CPLANE1: variants seen among roughly 807,000 people sequenced by gnomAD.
The protein encoded by CPLANE1 is ciliogenesis and planar polarity effector 1.
CPLANE1 carries 263 observed loss-of-function variants against 362.5 expected under a neutral mutation model. The observed-to-expected ratio is 0.73, with a 90% CI of 0.66 to 0.80. The LOEUF (loss-of-function observed/expected upper bound fraction) is 0.80, where lower values mean the gene tolerates loss of function less well. CPLANE1 is among the 30% of genes least tolerant of loss of function. The pLI, the probability that CPLANE1 is intolerant of heterozygous loss-of-function variation, is 0.00. For synonymous variants in CPLANE1, 1,212 were observed against 1,302.6 expected (o/e 0.93, Z 1.50); for missense variants, 3,461 against 3,793.4 (o/e 0.91, Z 2.30).
At chr5:37,211,093 A>C in intron 16 of CPLANE1, 1 of 970,894 alleles carries the variant, frequency 1.0e-6, no homozygotes, top group South Asian at 1.3e-5. Context: ...ATAAATGGCA[A>C]CATGGTGCTT....
intron 42 of CPLANE1, among the ~76,000 whole-genome samples, chr5:37,150,823 C>G (rs956119512): frequency 6.6e-6 from 1 of 152,148 alleles, no homozygotes; most frequent in Non-Finnish European, 1.5e-5. Flanking sequence ...GATTCCAGGG[C>G]TCTAACCAGA....
In CPLANE1 at chr5:37,173,055, T is replaced by C. The variant is rs1213770092; in HGVS notation, c.6171+700A>G. 2.0e-5 allele frequency among the ~76,000 whole-genome samples: 3 copies of C among 152,142 alleles called. No individual in the cohort carries two copies. In the East Asian group the frequency reaches 5.8e-4, roughly 29 times the overall value. On this transcript the variant is annotated intron_variant, in intron 32 of 52. Coordinates refer to ENST00000651892, the MANE Select transcript of CPLANE1 (RefSeq NM_001384732.1). ...GAGAATCATCAATATGGAAATGGTA[T>C]ATATTACATCACATAAAAGGATATG...
rs1757860413 is a variant in CPLANE1, at chr5:37,107,562, G to A, written c.*40C>T. 2.6e-6 allele frequency: 4 copies of A among 1,519,232 alleles called. No homozygotes were observed. The East Asian group carries it at 9.4e-5, about 36-fold the overall frequency. 94.1% of individuals were successfully genotyped at this position (1,519,232 alleles called of 1,614,324 possible). A position where few individuals can be genotyped will look rare whatever the true frequency, so the allele number is the denominator to read the frequency against. ...TAATCTTTCAGAACCACATTACTGA[G>A]GTGCTGGCCTGTGCATGGAAACCCA... On this transcript the variant is annotated 3_prime_UTR_variant, in exon 53 of 53. Coordinates refer to ENST00000651892, the MANE Select transcript of CPLANE1 (RefSeq NM_001384732.1).
intron 51 of CPLANE1, among the ~76,000 whole-genome samples, chr5:37,113,316 G>A (rs1309592715): frequency 6.6e-6 from 1 of 152,172 alleles, no homozygotes; most frequent in Non-Finnish European, 1.5e-5. Flanking sequence ...TTATAAAGGG[G>A]AGTTCCCCTG....
At chr5:37,100,259 T>C in the CPLANE1 span, among the ~76,000 whole-genome samples, 1 of 152,328 alleles carries the variant, frequency 6.6e-6, no homozygotes, top group South Asian at 2.1e-4. Context: ...ATTTAAATCT[T>C]TAATCCATCT....
intron 37 of CPLANE1, 34 bp from the exon 38 acceptor site, chr5:37,162,600 G>T: frequency 6.8e-7 from 1 of 1,461,414 alleles, no homozygotes. Context: ...AGTAATCATT[G>T]AGAAGCTAAC....
chr5:37,236,739 C>T (rs746009041), intron 8 of CPLANE1, among the ~76,000 whole-genome samples: 1 of 149,136 alleles, frequency 6.7e-6, no homozygotes, highest in Admixed American at 6.7e-5. Context: ...AAAAAAAAAC[C>T]TCATTAAAAA....
the CPLANE1 span, among the ~76,000 whole-genome samples, chr5:37,089,569 T>A: frequency 5.9e-5 from 9 of 152,174 alleles, no homozygotes; most frequent in Non-Finnish European, 1.3e-4. Flanking sequence ...ATTTTTGTCA[T>A]TCCCAAAAAG....
chr5:37,109,999 A>T (rs1240509221), intron 51 of CPLANE1, among the ~76,000 whole-genome samples: 1 of 152,190 alleles, frequency 6.6e-6, no homozygotes, highest in African/African-American at 2.4e-5. Context: ...TCCATCAGCA[A>T]GTCCTAATTT....
At chr5:37,129,722 T>C (rs1453386843) in intron 46 of CPLANE1, among the ~76,000 whole-genome samples, 1 of 152,074 alleles carries the variant, frequency 6.6e-6, no homozygotes, top group Non-Finnish European at 1.5e-5. Flanking sequence ...AGAATGGACA[T>C]AATCAAAACA....
At chr5:37,154,111 T>C in intron 41 of CPLANE1, 118 bp from the exon 42 acceptor site, 1 of 840,404 alleles carries the variant, frequency 1.2e-6, no homozygotes, top group Non-Finnish European at 1.8e-6. Flanking sequence ...TCCAAATCAG[T>C]TTTAATTAAA....
chr5:37,078,951 G>A, the CPLANE1 span, among the ~76,000 whole-genome samples: 1 of 152,108 alleles, frequency 6.6e-6, no homozygotes, highest in African/African-American at 2.4e-5. Flanking sequence ...CTGGATATTA[G>A]ACTTTTGTCA....
Position 37,196,612 on chromosome 5 carries a change from C to G in CPLANE1, c.3673-616G>C, listed in dbSNP as rs141136533. Among the ~76,000 whole-genome samples, 23 of 152,216 alleles carry G rather than the reference C, an allele frequency of 1.5e-4. No homozygotes were observed. In the East Asian group the frequency reaches 4.2e-3, roughly 28 times the overall value. Reference sequence around the variant, plus strand: ...ATGTGCGAGAGAGAAGTGCACAATACTTATGAAAGATTCATTTCTAAAAAA... The same window carrying G: ...ATGTGCGAGAGAGAAGTGCACAATAGTTATGAAAGATTCATTTCTAAAAAA... On this transcript the variant is annotated intron_variant, in intron 20 of 52. Coordinates refer to ENST00000651892, the MANE Select transcript of CPLANE1 (RefSeq NM_001384732.1).
At chr5:37,097,363 C>A in the CPLANE1 span, among the ~76,000 whole-genome samples, 5 of 152,112 alleles carry the variant, frequency 3.3e-5, no homozygotes, top group African/African-American at 7.2e-5. Flanking sequence ...GCAAAGTCTA[C>A]ATGACACATG....
chr5:37,169,356 T>C lies in CPLANE1; in HGVS notation c.6668A>G (p.Asp2223Gly), dbSNP rs538086941. 11 of 1,614,082 alleles carry C rather than the reference T, an allele frequency of 6.8e-6. No individual in the cohort carries two copies. Among genetic ancestry groups the C allele is most frequent in the South Asian group, 5.5e-5 (5 of 91,092 alleles). Residue 2223 changes from aspartate to glycine, a missense_variant, in exon 34 of 53, where the codon GAT becomes GGT. By Grantham distance (94) the Asp-to-Gly change is moderately conservative (BLOSUM62 -1). Transcript: ENST00000651892. ...IPHAKTFSPG[D>G]GFPLLQFKSK... ...CTTAAATTGAAGCAAAGGAAAGCCA[T>C]CACCAGGACTAAATGTTTTTGCATG...
Position 37,153,883 on chromosome 5 carries a change from G to GTGCA in CPLANE1, c.8226_8229dup (p.Pro2744CysfsTer15). Reference sequence around the variant, plus strand: ...TCTAGTTGGTGAGCTGCAGAGCTTGGTGCAGGGCAAGCTGCAGAGACACCT... The same window carrying GTGCA: ...TCTAGTTGGTGAGCTGCAGAGCTTGGTGCATGCAGGGCAAGCTGCAGAGACACCT... On this transcript the variant is annotated frameshift_variant, in exon 42 of 53. Coordinates refer to ENST00000651892, the MANE Select transcript of CPLANE1 (RefSeq NM_001384732.1). LOFTEE classifies it high-confidence loss of function. The GTGCA allele has an allele frequency of 6.2e-7, 1 of 1,614,114 alleles. No homozygotes were observed. Among genetic ancestry groups the GTGCA allele is most frequent in the Non-Finnish European group, 8.5e-7 (1 of 1,180,014 alleles).
intron 50 of CPLANE1, 118 bp downstream of exon 50, chr5:37,120,098 T>C: frequency 9.4e-7 from 1 of 1,060,118 alleles, no homozygotes; most frequent in Non-Finnish European, 1.4e-6. Context: ...TCGCCTTCTG[T>C]TCAAATCAGA....
In CPLANE1 at chr5:37,230,966, A is replaced by C. The variant is rs1458937434; in HGVS notation, c.1022T>G (p.Leu341Trp). Residue 341 changes from leucine to tryptophan, a missense_variant, in exon 9 of 53, where the codon TTG (leucine) becomes TGG (tryptophan). Around this residue, in one of 2 missense-constraint regions of CPLANE1, gnomAD observed 3,380 missense variants for 3,666.1 expected, o/e 0.92. Coordinates refer to ENST00000651892, the MANE Select transcript of CPLANE1 (RefSeq NM_001384732.1). ...TGTTAGCAATTCACCTTGGCAGGTCAATAAAACCAGAGAGCCACGTTTTAA... is the reference window on the plus strand; with the variant it reads ...TGTTAGCAATTCACCTTGGCAGGTCCATAAAACCAGAGAGCCACGTTTTAA... ...CMLKRGSLVLLTCQGELLTLI... is the reference protein window; with the variant it reads ...CMLKRGSLVLWTCQGELLTLI... 3.5e-5 allele frequency: 55 copies of C among 1,551,146 alleles called. No individual in the cohort carries two copies. Among genetic ancestry groups the C allele is most frequent in the Non-Finnish European group, 4.7e-5 (54 of 1,146,734 alleles).
At chr5:37,222,317 C>T (rs1412105726) in intron 14 of CPLANE1, among the ~76,000 whole-genome samples, 1 of 152,194 alleles carries the variant, frequency 6.6e-6, no homozygotes, top group Non-Finnish European at 1.5e-5. Context: ...TCTAGCTCTT[C>T]CAACCTTTGT....
Sources: gnomAD v4.1 joint callset for allele counts (sites outside exome capture counted in the v4.1 genomes callset) on GRCh38, gnomAD v4.1.1 for gene constraint, gnomAD v4.1.1 regional missense constraint, MANE v1.5 for transcripts, NCBI Gene and HGNC (gene_info 2026-07-23, HGNC 2026-07-21) for gene names.